ITPK1: variants seen among roughly 807,000 people sequenced by gnomAD.
The protein encoded by ITPK1 is inositol 1,3,4-trisphosphate 5/6-kinase.
ITPK1 carries 21 observed loss-of-function variants against 45.3 expected under a neutral mutation model. The ratio of observed to expected loss-of-function variants is 0.46; its 90% CI spans 0.33 to 0.67. The LOEUF (loss-of-function observed/expected upper bound fraction) is 0.67, where lower values mean the gene tolerates loss of function less well. ITPK1 is among the 30% of genes least tolerant of loss of function. ITPK1 has a pLI of 0.02. For missense variants in ITPK1, 474 were observed against 573.5 expected, an observed-to-expected ratio of 0.83 and a Z score of 1.77; for synonymous variants, 258 against 253.6, an observed-to-expected ratio of 1.02 and a Z score of -0.16.
chr14:93,053,054 C>A (rs192451722), intron 3 of ITPK1, among the ~76,000 whole-genome samples: 2,228 of 151,830 alleles, frequency 0.015, 67 homozygotes, highest in African/African-American at 0.051. Flanking sequence ...GTGCAGCACA[C>A]CAACATGGCA....
intron 5 of ITPK1, among the ~76,000 whole-genome samples, chr14:92,967,303 T>C (rs1190912810): frequency 2.0e-5 from 3 of 152,280 alleles, no homozygotes; most frequent in East Asian, 1.9e-4. Context: ...ACAAGACATA[T>C]AAATGGCCAA....
At chr14:93,049,824 G>A (rs1256923409) in intron 3 of ITPK1, among the ~76,000 whole-genome samples, 1 of 152,048 alleles carries the variant, frequency 6.6e-6, no homozygotes, top group African/African-American at 2.4e-5. Flanking sequence ...AGATGTGGAT[G>A]TGGAGGGACA....
intron 7 of ITPK1, among the ~76,000 whole-genome samples, chr14:92,961,033 G>A (rs542616803): frequency 6.6e-6 from 1 of 152,394 alleles, no homozygotes; most frequent in African/African-American, 2.4e-5. Context: ...CGGAAGTGCA[G>A]GCCAGGGATA....
chr14:93,031,915 G>C (rs1889081438), intron 3 of ITPK1, among the ~76,000 whole-genome samples: 1 of 152,178 alleles, frequency 6.6e-6, no homozygotes, highest in African/African-American at 2.4e-5. Flanking sequence ...ACAATAAGGA[G>C]GGAAACTCTG....
chr14:93,008,632 G>T (rs1214529287), intron 4 of ITPK1, among the ~76,000 whole-genome samples: 1 of 152,224 alleles, frequency 6.6e-6, no homozygotes, highest in Admixed American at 6.5e-5. Flanking sequence ...GGCCCAGCGC[G>T]TGGTTTACCC....
At chr14:93,061,997 C>G (rs1054270480) in intron 3 of ITPK1, among the ~76,000 whole-genome samples, 2 of 152,196 alleles carry the variant, frequency 1.3e-5, no homozygotes, top group Admixed American at 6.5e-5. Context: ...TATGTCAAGG[C>G]TGGTGGCTCG....
At chr14:93,005,446 T>C (rs765655230) in intron 4 of ITPK1, among the ~76,000 whole-genome samples, 11 of 151,854 alleles carry the variant, frequency 7.2e-5, no homozygotes, top group East Asian at 3.9e-4. Flanking sequence ...AGATTCAGGG[T>C]CCGGGCAAGC....
At chr14:92,943,240 G>C (rs1488224274) in intron 10 of ITPK1, among the ~76,000 whole-genome samples, 1 of 152,234 alleles carries the variant, frequency 6.6e-6, no homozygotes, top group Non-Finnish European at 1.5e-5. Context: ...CACGGGGAGG[G>C]CAGTGATGAC....
At chr14:93,113,600 T>C (rs144082757) in intron 2 of ITPK1, among the ~76,000 whole-genome samples, 2 of 152,224 alleles carry the variant, frequency 1.3e-5, no homozygotes, top group Admixed American at 1.3e-4. Flanking sequence ...TAGAATGCCC[T>C]TCCCACAAGT....
rs1274855219 is a variant in ITPK1 at position 92,938,105 on chromosome 14, G to A, written c.*3456C>T. On this transcript the variant is annotated 3_prime_UTR_variant, in exon 11 of 11. Transcript: ENST00000267615. ...CTCCCAAGTAGCTGGGACTACAGGC[G>A]CCCACCACCATGTCCAGCTAATTTT... 5.5e-5 allele frequency: 13 copies of A among 237,676 alleles called. No individual in the cohort carries two copies. The highest frequency in any genetic ancestry group is 4.9e-5 in the Non-Finnish European group (6 of 122,036). 14.7% of individuals were successfully genotyped at this position (237,676 alleles called of 1,614,324 possible).
intron 5 of ITPK1, among the ~76,000 whole-genome samples, chr14:92,993,289 T>C (rs894617264): frequency 3.3e-5 from 5 of 152,226 alleles, no homozygotes; most frequent in Middle Eastern, 3.2e-3. Context: ...CACAAAGTCT[T>C]TCTCACATAA....
chr14:93,109,870 C>T (rs1892674171), intron 2 of ITPK1, among the ~76,000 whole-genome samples: 1 of 152,170 alleles, frequency 6.6e-6, no homozygotes, highest in Non-Finnish European at 1.5e-5. Flanking sequence ...AAACCAAGAA[C>T]ACTAAATCTA....
intron 5 of ITPK1, among the ~76,000 whole-genome samples, chr14:92,993,602 C>T (rs1166817310): frequency 1.3e-5 from 2 of 152,182 alleles, no homozygotes; most frequent in Non-Finnish European, 2.9e-5. Context: ...CACTGTGTTA[C>T]CGGGACACTT....
intron 5 of ITPK1, among the ~76,000 whole-genome samples, chr14:92,988,343 G>A (rs972434874): frequency 2.6e-5 from 4 of 152,176 alleles, no homozygotes; most frequent in Non-Finnish European, 4.4e-5. Flanking sequence ...CACTCAGCAC[G>A]TCCGAGGCAC....
chr14:92,947,488 G>A (rs1887744851), intron 9 of ITPK1, among the ~76,000 whole-genome samples: 1 of 152,254 alleles, frequency 6.6e-6, no homozygotes, highest in Non-Finnish European at 1.5e-5. Context: ...TCAGAGAGAC[G>A]TGGGTTCCAA....
rs531356539 is a variant in ITPK1 at position 93,107,923 on chromosome 14, G to T, written c.95+7146C>A. Among the ~76,000 whole-genome samples the T allele has an allele frequency of 1.6e-4, 25 of 152,344 alleles. No individual in the cohort carries two copies. In the South Asian group the frequency reaches 5.2e-3, roughly 32 times the overall value. ...CAGAAAGACTCAAAGGGCCCCACAG[G>T]TATGGCCTGGCCACTCTAATACACA... On this transcript the variant is annotated intron_variant, in intron 2 of 10. Coordinates refer to ENST00000267615, the MANE Select transcript of ITPK1 (RefSeq NM_014216.6).
At chr14:93,058,765 T>C (rs1311466767) in intron 3 of ITPK1, among the ~76,000 whole-genome samples, 1 of 9,016 alleles carries the variant, frequency 1.1e-4, no homozygotes, top group Non-Finnish European at 1.9e-4. Context: ...GGGTGCGGGT[T>C]ACGAGGGAGG....
chr14:93,110,991 A>T (rs1222614940), intron 2 of ITPK1, among the ~76,000 whole-genome samples: 1 of 151,068 alleles, frequency 6.6e-6, no homozygotes, highest in Non-Finnish European at 1.5e-5. Context: ...CTCCATCCCA[A>T]CGAGGGATGT....
chr14:92,995,621 C>A (rs1280076171), intron 4 of ITPK1, among the ~76,000 whole-genome samples: 1 of 152,192 alleles, frequency 6.6e-6, no homozygotes, highest in Non-Finnish European at 1.5e-5. Flanking sequence ...CATTCCAGTC[C>A]TCACGCCTGT....
Sources: allele counts gnomAD v4.1 joint callset (sites outside exome capture counted in the v4.1 genomes callset), GRCh38; gene constraint gnomAD v4.1.1; transcripts MANE v1.5; gene names NCBI Gene and HGNC (gene_info 2026-07-23, HGNC 2026-07-21).